Variants in IPO7 observed in about 807,000 individuals in gnomAD.
IPO7 encodes the protein importin-7.
Under a neutral mutation model 136.4 loss-of-function variants are expected in IPO7, and 13 were observed. That is an observed-to-expected ratio of 0.10 (90% CI 0.06 to 0.15). The LOEUF (loss-of-function observed/expected upper bound fraction) is 0.15. Ranked by LOEUF, IPO7 falls within the 10% of genes least tolerant of loss-of-function variation. The pLI is 1.00. For missense variants in IPO7, 857 were observed against 1,240.6 expected (o/e 0.69, Z 4.65); for synonymous variants, 403 against 404.4 (o/e 1.00, Z 0.04).
chr11:9,393,127 T>G (rs1469307576), intron 1 of IPO7, among the ~76,000 whole-genome samples: 1 of 152,032 alleles, frequency 6.6e-6, no homozygotes, highest in Non-Finnish European at 1.5e-5. Flanking sequence ...TAGCAGGCAA[T>G]TGGAATGTGG....
intron 1 of IPO7, among the ~76,000 whole-genome samples, chr11:9,402,495 G>C (rs748851539): frequency 2.0e-5 from 3 of 151,452 alleles, no homozygotes; most frequent in Non-Finnish European, 4.4e-5. Flanking sequence ...AGGTCGAGGC[G>C]GGTGGATCAC....
intron 5 of IPO7, among the ~76,000 whole-genome samples, chr11:9,416,525 C>A (rs1855044597): frequency 6.6e-6 from 1 of 151,974 alleles, no homozygotes; most frequent in Admixed American, 6.6e-5. Context: ...AAAATATAGC[C>A]CCGTCTCACT....
At chr11:9,444,605 G>A (rs1221777319) in intron 24 of IPO7, among the ~76,000 whole-genome samples, 2 of 151,618 alleles carry the variant, frequency 1.3e-5, no homozygotes, top group East Asian at 2.0e-4. Context: ...CTCCTGAGGC[G>A]GATGGATCAC....
chr11:9,422,879 AAGT>A (rs1284986440), intron 8 of IPO7, 124 bp from the exon 9 acceptor site: 5 of 487,416 alleles, frequency 1.0e-5, no homozygotes, highest in Admixed American at 3.5e-5. Flanking sequence ...TTATTTTTCA[AAGT>A]ATACGGTTGT....
intron 1 of IPO7, among the ~76,000 whole-genome samples, chr11:9,401,135 T>A (rs1225228510): frequency 6.6e-6 from 1 of 151,246 alleles, no homozygotes; most frequent in South Asian, 2.1e-4. Flanking sequence ...GAGCCAAGAT[T>A]GCACCATTGC....
At chr11:9,420,262 A>T (rs992248470) in intron 6 of IPO7, 149 bp from the exon 7 acceptor site, 16 of 565,418 alleles carry the variant, frequency 2.8e-5, no homozygotes, top group Non-Finnish European at 4.7e-5. Flanking sequence ...GCTTGCAGTG[A>T]GCTGAGATGG....
intron 12 of IPO7, among the ~76,000 whole-genome samples, chr11:9,426,818 T>G (rs1855215863): frequency 6.6e-6 from 1 of 152,026 alleles, no homozygotes; most frequent in South Asian, 2.1e-4. Context: ...AGTGCAGTGG[T>G]GAGATCTTGG....
rs1855409524 is a variant in IPO7 at position 9,438,143 on chromosome 11, C to A, written c.2553C>A (p.Pro851=). ...LCALIDMEQI[P]QVLNQVSGQI... is the part of the protein sequence containing the mutation. Reference sequence around the variant, plus strand: ...CTCTTATTGATATGGAACAGATACCCCAAGTTTTAAATCAGGTTTCTGGAC... The same window carrying A: ...CTCTTATTGATATGGAACAGATACCACAAGTTTTAAATCAGGTTTCTGGAC... Residue 851 remains proline (P), a synonymous_variant, in exon 22 of 25, where the codon CCC becomes CCA. Coordinates refer to ENST00000379719, the MANE Select transcript of IPO7 (RefSeq NM_006391.3). 7 of 1,597,714 alleles carry A rather than the reference C, an allele frequency of 4.4e-6. No individual in the cohort carries two copies. The highest frequency in any genetic ancestry group is 1.4e-5 in the African/African-American group (1 of 71,802).
chr11:9,411,726 T>G (rs1854970803), intron 4 of IPO7, among the ~76,000 whole-genome samples: 1 of 152,170 alleles, frequency 6.6e-6, no homozygotes, highest in African/African-American at 2.4e-5. Flanking sequence ...CATCACAGCC[T>G]TGTGGTAGTA....
At chr11:9,428,497 A>G in intron 12 of IPO7, 43 bp from the exon 13 acceptor site, 4 of 796,596 alleles carry the variant, frequency 5.0e-6, no homozygotes, top group Non-Finnish European at 8.3e-6. Context: ...TGAGATGATT[A>G]TATTTGGAAC....
At chr11:9,408,853 A>G (rs1842478705) in intron 3 of IPO7, among the ~76,000 whole-genome samples, 1 of 151,380 alleles carries the variant, frequency 6.6e-6, no homozygotes, top group Admixed American at 6.6e-5. Flanking sequence ...AGCTGGGATT[A>G]CAGGCACATG....
rs1260964725 is a variant in IPO7, at chr11:9,410,082, T to C, written c.475T>C (p.Tyr159His). 6.3e-6 allele frequency: 10 copies of C among 1,579,694 alleles called. No homozygotes were observed. The highest frequency in any genetic ancestry group is 8.6e-6 in the Non-Finnish European group (10 of 1,166,028). Residue 159 changes from tyrosine to histidine, a missense_variant, in exon 4 of 25, where the codon TAT becomes CAT. Physicochemically the swap from Tyr to His is moderately conservative, Grantham distance 83. Around this residue, in one of 11 missense-constraint regions of IPO7, gnomAD observed 287 missense variants for 307.5 expected, o/e 0.93. Transcript: ENST00000379719. ...LLCLYQLVKNYEYKKPEERSP... is the reference protein window; with the variant it reads ...LLCLYQLVKNHEYKKPEERSP... Reference sequence around the variant, plus strand: ...TTGCCTTTATCAGCTTGTGAAAAATTATGAGTAAGTGTTTCTTTCAACTCC... The same window carrying C: ...TTGCCTTTATCAGCTTGTGAAAAATCATGAGTAAGTGTTTCTTTCAACTCC...
At chr11:9,391,257 G>A (rs1854629488) in intron 1 of IPO7, among the ~76,000 whole-genome samples, 1 of 151,846 alleles carries the variant, frequency 6.6e-6, no homozygotes, top group Non-Finnish European at 1.5e-5. Context: ...AAATTAGCCG[G>A]GTGTGGTGGT....
At position 9,397,341 on chromosome 11, in the gene IPO7, A is replaced by AAATATATATATATAT; in HGVS notation, c.85-5948_85-5947insATATATATATATATA. Among the ~76,000 whole-genome samples the AAATATATATATATAT allele has an allele frequency of 2.4e-3, 26 of 10,758 alleles. 3 individuals are homozygous for AAATATATATATATAT. The highest frequency in any genetic ancestry group is 3.7e-3 in the Non-Finnish European group (20 of 5,454). The allele number at this position is 10,758 out of a possible 152,430, so 7.1% of individuals were successfully genotyped here. A position where few individuals can be genotyped will look rare whatever the true frequency, so the allele number is the denominator to read the frequency against. ...CTTTACTAAAAATAATTTAAAAAAA[A>AAATATATATATATAT]ATATATATATATATATATATATATT... On this transcript the variant is annotated intron_variant, in intron 1 of 24. Transcript: ENST00000379719.
intron 2 of IPO7, 58 bp downstream of exon 2, chr11:9,403,429 C>T (rs992152302): frequency 9.7e-6 from 13 of 1,337,146 alleles, no homozygotes; most frequent in African/African-American, 5.8e-5. Flanking sequence ...GGTTCATAAT[C>T]GAATAGCAGA....
chr11:9,441,494 T>C (rs1222963784), intron 23 of IPO7, among the ~76,000 whole-genome samples: 1 of 152,236 alleles, frequency 6.6e-6, no homozygotes, highest in Non-Finnish European at 1.5e-5. Context: ...TTTGATAGAA[T>C]ACATTATCTG....
intron 8 of IPO7, among the ~76,000 whole-genome samples, 197 bp downstream of exon 8, chr11:9,420,895 T>C (rs1441694069): frequency 6.6e-6 from 1 of 152,224 alleles, no homozygotes; most frequent in Non-Finnish European, 1.5e-5. Context: ...ATGTGAGTTA[T>C]ACCTAGTAAT....
At chr11:9,394,363 G>A (rs1391184270) in intron 1 of IPO7, among the ~76,000 whole-genome samples, 3 of 139,620 alleles carry the variant, frequency 2.1e-5, no homozygotes, top group Non-Finnish European at 3.1e-5. Context: ...TTTTAAAGTT[G>A]AGCTTATTTT....
chr11:9,436,439 G>T, intron 20 of IPO7, 73 bp downstream of exon 20: 2 of 1,010,200 alleles, frequency 2.0e-6, no homozygotes, highest in African/African-American at 1.6e-5. Context: ...TTCATTTTTT[G>T]GCATTTGTTG....
Sources: gnomAD v4.1 joint callset for allele counts (sites outside exome capture counted in the v4.1 genomes callset) on GRCh38, gnomAD v4.1.1 for gene constraint, gnomAD v4.1.1 regional missense constraint, MANE v1.5 for transcripts, NCBI Gene and HGNC (gene_info 2026-07-23, HGNC 2026-07-21) for gene names.